FRMD5: variants seen among roughly 807,000 people sequenced by gnomAD.
FRMD5 encodes FERM domain-containing protein 5.
In FRMD5, 20 loss-of-function variants were observed where a neutral mutation model predicts 69.0. The observed-to-expected ratio is 0.29, with a 90% confidence interval of 0.20 to 0.42. The LOEUF (loss-of-function observed/expected upper bound fraction) is 0.42. Among genes scored for constraint, FRMD5 ranks in the 10% least tolerant of loss-of-function variants. The pLI is 1.00. For missense variants in FRMD5, 595 were observed against 708.6 expected (o/e 0.84, Z 1.82); for synonymous variants, 271 against 260.1 (o/e 1.04, Z -0.40).
chr15:43,879,406 T>TTCATCGAACCTGTTATTTTGG, intron 13 of FRMD5: 1 of 397,892 alleles, frequency 2.5e-6, no homozygotes, highest in South Asian at 1.4e-4. Context: ...GTCCTGCCAT[T>TTCATCGAACCTGTTATTTTGG]TCATCGAACC....
chr15:44,155,654 C>T (rs1014316828), intron 1 of FRMD5, among the ~76,000 whole-genome samples: 6 of 151,788 alleles, frequency 4.0e-5, no homozygotes, highest in Non-Finnish European at 7.4e-5. Context: ...AATGCAATGG[C>T]ACCATCTCGG....
chr15:43,941,134 C>G (rs1319755244), intron 1 of FRMD5, among the ~76,000 whole-genome samples: 2 of 152,094 alleles, frequency 1.3e-5, no homozygotes, highest in Non-Finnish European at 2.9e-5. Context: ...TTTGGGAGGC[C>G]AAGAAGCGGA....
chr15:44,084,636 A>G (rs1224255171), intron 1 of FRMD5, among the ~76,000 whole-genome samples: 1 of 152,140 alleles, frequency 6.6e-6, no homozygotes, highest in African/African-American at 2.4e-5. Context: ...ATACTGGAGG[A>G]AGCTGTCACA....
intron 1 of FRMD5, among the ~76,000 whole-genome samples, chr15:44,094,148 A>C (rs2076516694): frequency 6.6e-6 from 1 of 152,192 alleles, no homozygotes; most frequent in Non-Finnish European, 1.5e-5. Flanking sequence ...AAATCATGAC[A>C]ACAAATCAAG....
rs750459859 is a variant in FRMD5 at position 43,924,303 on chromosome 15, C to A, written c.109G>T (p.Ala37Ser). Residue 37 changes from alanine (A) to serine (S), a missense_variant, in exon 2 of 14, where the codon GCC (alanine) becomes TCC (serine). Around this residue, in one of 5 missense-constraint regions of FRMD5, gnomAD observed 79 missense variants for 139.9 expected, o/e 0.56. Coordinates refer to ENST00000417257, the MANE Select transcript of FRMD5 (RefSeq NM_032892.5). ...SEYTCTIQRD[A>S]KGQYLFDLLC... The stretch of plus-strand genomic sequence containing the variant: ...AGGTCAAACAGGTACTGGCCTTTGG[C>A]ATCTCTCTGCAAAGAAAGAAAACTC... 1.9e-6 allele frequency: 3 copies of A among 1,612,284 alleles called. No homozygotes were observed. The African/African-American group carries it at 4.0e-5, about 22-fold the overall frequency.
At chr15:44,104,211 A>T (rs2076680633) in intron 1 of FRMD5, among the ~76,000 whole-genome samples, 1 of 152,218 alleles carries the variant, frequency 6.6e-6, no homozygotes, top group Admixed American at 6.5e-5. Context: ...TAAATAGCGA[A>T]AAGCTTATAG....
intron 1 of FRMD5, among the ~76,000 whole-genome samples, chr15:44,094,560 G>A (rs1336353530): frequency 1.3e-5 from 2 of 152,134 alleles, no homozygotes; most frequent in African/African-American, 4.8e-5. Flanking sequence ...CCATGCTCAA[G>A]TTATTCATCA....
chr15:44,120,814 C>G (rs940002067), intron 1 of FRMD5, among the ~76,000 whole-genome samples: 5 of 151,984 alleles, frequency 3.3e-5, no homozygotes, highest in Admixed American at 1.3e-4. Context: ...AGGCGTGAGC[C>G]ACCGTGCCCA....
chr15:44,061,312 G>C (rs1958322645), intron 1 of FRMD5, among the ~76,000 whole-genome samples: 1 of 152,138 alleles, frequency 6.6e-6, no homozygotes, highest in South Asian at 2.1e-4. Context: ...TCAGGGACAA[G>C]TCTCAATGCA....
chr15:43,980,782 C>T (rs1260384920), intron 1 of FRMD5, among the ~76,000 whole-genome samples: 1 of 152,114 alleles, frequency 6.6e-6, no homozygotes, highest in Non-Finnish European at 1.5e-5. Context: ...AAAGTTAAAG[C>T]TGGGCTTATT....
intron 7 of FRMD5, among the ~76,000 whole-genome samples, chr15:43,901,311 GA>G (rs1331927176): frequency 1.3e-5 from 2 of 152,202 alleles, no homozygotes; most frequent in Admixed American, 1.3e-4. Context: ...ACTTGTTACA[GA>G]AACCCTAGGA....
intron 1 of FRMD5, among the ~76,000 whole-genome samples, chr15:44,065,994 C>T (rs1333799463): frequency 6.6e-6 from 1 of 152,204 alleles, no homozygotes. Flanking sequence ...AGTAAATATG[C>T]TATGCACTGA....
chr15:43,924,504 A>G (rs1383073820), intron 1 of FRMD5, among the ~76,000 whole-genome samples, 195 bp from the exon 2 acceptor site: 1 of 152,176 alleles, frequency 6.6e-6, no homozygotes, highest in Admixed American at 6.5e-5. Context: ...ACCTGGAAGG[A>G]GCCCAAGAAC....
chr15:43,995,714 A>G (rs1275969034), intron 1 of FRMD5, among the ~76,000 whole-genome samples: 1 of 150,954 alleles, frequency 6.6e-6, no homozygotes, highest in Non-Finnish European at 1.5e-5. Context: ...GGGTACTGGC[A>G]TGGTACCTGG....
In FRMD5 at chr15:44,079,439, T is replaced by C. The variant is rs530708724; in HGVS notation, c.102+115514A>G. Among the ~76,000 whole-genome samples, 8 of 152,272 alleles carry C rather than the reference T, an allele frequency of 5.3e-5. No homozygotes were observed. The South Asian group carries it at 8.3e-4, about 16-fold the overall frequency. On this transcript the variant is annotated intron_variant, in intron 1 of 13. Transcript: ENST00000417257. ...GCTGGGTGCTGGTCTACCTGGCCTG[T>C]AGTCCCAACTAAGTGGAAGGCTGAA...
At chr15:44,135,238 T>C (rs1332121621) in intron 1 of FRMD5, among the ~76,000 whole-genome samples, 1 of 152,164 alleles carries the variant, frequency 6.6e-6, no homozygotes, top group Non-Finnish European at 1.5e-5. Context: ...GCCAGAAGCC[T>C]GGAGTTAAAT....
chr15:44,187,184 A>C (rs1200461524), intron 1 of FRMD5, among the ~76,000 whole-genome samples: 4 of 152,230 alleles, frequency 2.6e-5, no homozygotes, highest in Non-Finnish European at 5.9e-5. Context: ...TGGAAATAAA[A>C]TTCATATGTA....
chr15:44,037,464 TTTCTC>T (rs1365416738), intron 1 of FRMD5, among the ~76,000 whole-genome samples: 6 of 151,414 alleles, frequency 4.0e-5, no homozygotes, highest in Middle Eastern at 3.4e-3. Context: ...ACATGTGTCT[TTTCTC>T]TTTTTTTTTT....
intron 1 of FRMD5, among the ~76,000 whole-genome samples, chr15:44,098,265 G>A (rs1484799599): frequency 1.3e-5 from 2 of 152,000 alleles, no homozygotes; most frequent in Admixed American, 6.6e-5. Context: ...AGTGGCTCAC[G>A]CCTGTAATCC....
Sources: gnomAD v4.1 joint callset for allele counts (sites outside exome capture counted in the v4.1 genomes callset) on GRCh38, gnomAD v4.1.1 for gene constraint, gnomAD v4.1.1 regional missense constraint, MANE v1.5 for transcripts, NCBI Gene and HGNC (gene_info 2026-07-23, HGNC 2026-07-21) for gene names.